Variants in IGF2BP3 observed in about 807,000 individuals in gnomAD.
The protein encoded by IGF2BP3 is insulin-like growth factor 2 mRNA-binding protein 3.
Under a neutral mutation model 73.8 loss-of-function variants are expected in IGF2BP3, and 9 were observed. The ratio of observed to expected loss-of-function variants is 0.12; its 90% CI spans 0.07 to 0.21. IGF2BP3 has a LOEUF of 0.21. IGF2BP3 is among the 10% of genes least tolerant of loss of function. The pLI is 1.00. For synonymous variants in IGF2BP3, 258 were observed against 256.7 expected, an observed-to-expected ratio of 1.01 and a Z score of -0.05; for missense variants, 542 against 714.0, an observed-to-expected ratio of 0.76 and a Z score of 2.75.
intron 3 of IGF2BP3, among the ~76,000 whole-genome samples, chr7:23,400,251 T>C (rs1284005043): frequency 2.0e-5 from 3 of 152,270 alleles, no homozygotes; most frequent in Non-Finnish European, 2.9e-5. Flanking sequence ...ATCTGATTTC[T>C]AATGCAATTC....
intron 3 of IGF2BP3, among the ~76,000 whole-genome samples, chr7:23,364,407 G>A (rs890002047): frequency 6.6e-6 from 1 of 151,422 alleles, no homozygotes; most frequent in African/African-American, 2.4e-5. Context: ...AATTAGCTGG[G>A]AGTGGTGGCG....
intron 3 of IGF2BP3, among the ~76,000 whole-genome samples, chr7:23,373,052 C>A (rs1480251054): frequency 6.6e-6 from 1 of 152,154 alleles, no homozygotes; most frequent in Non-Finnish European, 1.5e-5. Flanking sequence ...TATAAATACA[C>A]CGACGGAAAC....
intron 6 of IGF2BP3, among the ~76,000 whole-genome samples, chr7:23,348,377 C>G (rs1784882349): frequency 6.6e-6 from 1 of 152,130 alleles, no homozygotes; most frequent in Non-Finnish European, 1.5e-5. Flanking sequence ...TCATTTTCTT[C>G]TAGACTTGCA....
At chr7:23,461,763 C>T (rs932430668) in intron 2 of IGF2BP3, among the ~76,000 whole-genome samples, 6 of 152,216 alleles carry the variant, frequency 3.9e-5, no homozygotes, top group African/African-American at 1.4e-4. Flanking sequence ...CTCCACCCTT[C>T]CTTCAATTTG....
At chr7:23,375,363 A>C (rs1490481123) in intron 3 of IGF2BP3, among the ~76,000 whole-genome samples, 1 of 151,116 alleles carries the variant, frequency 6.6e-6, no homozygotes, top group Non-Finnish European at 1.5e-5. Flanking sequence ...CTTTCATTCC[A>C]CCCCCTTCAG....
intron 2 of IGF2BP3, among the ~76,000 whole-genome samples, chr7:23,444,475 T>C (rs1788010248): frequency 6.6e-6 from 1 of 152,056 alleles, no homozygotes; most frequent in South Asian, 2.1e-4. Flanking sequence ...GTGCGGGGGC[T>C]CACACCTGTA....
intron 2 of IGF2BP3, among the ~76,000 whole-genome samples, chr7:23,451,992 C>CT (rs796497374): frequency 0.036 from 5,073 of 141,996 alleles, 282 homozygotes; most frequent in African/African-American, 0.12. Flanking sequence ...TTCTTTTTTC[C>CT]TTTTTTTTTT....
chr7:23,397,244 A>G (rs1786506065), intron 3 of IGF2BP3, among the ~76,000 whole-genome samples: 1 of 152,216 alleles, frequency 6.6e-6, no homozygotes, highest in South Asian at 2.1e-4. Context: ...TTGTGCAGCA[A>G]ATTCTCCTCC....
rs551922360 is a variant in IGF2BP3, at chr7:23,350,216, C to T, written c.683+1089G>A. Reference sequence around the variant, plus strand: ...GTCCTCTTAGGCCTGCTGGAACAAACACATAAAGTATACACAGCAGTGCAG... The same window carrying T: ...GTCCTCTTAGGCCTGCTGGAACAAATACATAAAGTATACACAGCAGTGCAG... On this transcript the variant is annotated intron_variant, in intron 6 of 14. Coordinates refer to ENST00000258729, the MANE Select transcript of IGF2BP3 (RefSeq NM_006547.3). Among the ~76,000 whole-genome samples the T allele has an allele frequency of 2.0e-5, 3 of 152,304 alleles. No individual in the cohort carries two copies. The South Asian group carries it at 6.2e-4, about 32-fold the overall frequency.
At chr7:23,361,235 T>C (rs1013752045) in intron 5 of IGF2BP3, 2 of 251,268 alleles carry the variant, frequency 8.0e-6, no homozygotes, top group Non-Finnish European at 1.5e-5. Flanking sequence ...AGACTTTATG[T>C]TATTTGGCAA....
At chr7:23,322,761 G>A (rs9770358) in intron 10 of IGF2BP3, among the ~76,000 whole-genome samples, 6,051 of 152,034 alleles carry the variant, frequency 0.04, 193 homozygotes, top group South Asian at 0.1. Flanking sequence ...AGTGGGGGCC[G>A]ATATTCAACA....
intron 10 of IGF2BP3, among the ~76,000 whole-genome samples, chr7:23,330,889 C>A (rs10279941): frequency 6.6e-6 from 1 of 152,048 alleles, no homozygotes; most frequent in Non-Finnish European, 1.5e-5. Context: ...CCTCCGCCTT[C>A]CAAGTTCAAG....
rs397955498 is a variant in IGF2BP3, at chr7:23,378,358, CA to C, written c.286-16618del. 2.0e-3 allele frequency among the ~76,000 whole-genome samples: 249 copies of C among 124,094 alleles called. 1 individual carries two copies. Among genetic ancestry groups the C allele is most frequent in the East Asian group, 9.8e-3 (44 of 4,476 alleles). The allele number at this position is 124,094 out of a possible 152,430, so 81.4% of individuals were successfully genotyped here. A position where few individuals can be genotyped will look rare whatever the true frequency, so the allele number is the denominator to read the frequency against. ...ATTACACTGGCCTTTAGATAGTTTT[CA>C]AAAAAAAAAAAATGCCAGGAAAATA... is the stretch of plus-strand genomic sequence containing the variant. On this transcript the variant is annotated intron_variant, in intron 3 of 14. Transcript: ENST00000258729.
intron 10 of IGF2BP3, among the ~76,000 whole-genome samples, chr7:23,322,318 T>C (rs1784179043): frequency 1.3e-5 from 2 of 152,094 alleles, no homozygotes; most frequent in South Asian, 4.2e-4. Context: ...AGAAAGGGTA[T>C]CAGCGATGGA....
chr7:23,463,169 A>T (rs914469723), intron 2 of IGF2BP3, among the ~76,000 whole-genome samples: 3 of 152,244 alleles, frequency 2.0e-5, no homozygotes, highest in Non-Finnish European at 4.4e-5. Flanking sequence ...AGAGTTACTG[A>T]ATGGATAACT....
intron 3 of IGF2BP3, among the ~76,000 whole-genome samples, chr7:23,400,242 T>C (rs1270078396): frequency 6.6e-6 from 1 of 152,236 alleles, no homozygotes; most frequent in African/African-American, 2.4e-5. Context: ...TCTAAGATTA[T>C]CTGATTTCTA....
chr7:23,443,285 C>A (rs1787980134), intron 2 of IGF2BP3, among the ~76,000 whole-genome samples: 1 of 151,792 alleles, frequency 6.6e-6, no homozygotes, highest in South Asian at 2.1e-4. Flanking sequence ...GCCACCACTC[C>A]CAGCTAATTT....
chr7:23,442,506 T>G (rs1273569528), intron 2 of IGF2BP3, among the ~76,000 whole-genome samples: 1 of 152,118 alleles, frequency 6.6e-6, no homozygotes, highest in Admixed American at 6.6e-5. Context: ...CAAGCAATCC[T>G]CCTGCCTCAG....
intron 3 of IGF2BP3, among the ~76,000 whole-genome samples, chr7:23,392,763 G>A (rs1786326486): frequency 6.6e-6 from 1 of 152,052 alleles, no homozygotes; most frequent in Admixed American, 6.6e-5. Flanking sequence ...CCAAGTAGCT[G>A]GGACTACAGA....
Sources: allele counts gnomAD v4.1 joint callset (sites outside exome capture counted in the v4.1 genomes callset), GRCh38; gene constraint gnomAD v4.1.1; transcripts MANE v1.5; gene names NCBI Gene and HGNC (gene_info 2026-07-23, HGNC 2026-07-21).